The following ACTR3C variants were observed in gnomAD, a reference collection of about 807,000 sequenced individuals.
The protein encoded by ACTR3C is actin related protein 3C.
Under a neutral mutation model 26.3 loss-of-function variants are expected in ACTR3C, and 18 were observed. That is an observed-to-expected ratio of 0.68 (90% confidence interval 0.47 to 1.01). ACTR3C has a LOEUF of 1.01. Ranked by LOEUF, ACTR3C falls within the 50% of genes least tolerant of loss-of-function variation. The probability of loss-of-function intolerance (pLI) is 0.00; values close to 1 mark genes in which losing one functional copy is unlikely to be tolerated. For missense variants in ACTR3C, 184 were observed against 250.7 expected (o/e 0.73, Z 1.80); for synonymous variants, 55 against 94.5 (o/e 0.58, Z 2.42).
At chr7:149,996,399 G>A in the ACTR3C span, among the ~76,000 whole-genome samples, 2 of 150,324 alleles carry the variant, frequency 1.3e-5, no homozygotes, top group Non-Finnish European at 3.0e-5. Flanking sequence ...ATGAGGCAGA[G>A]AGAAACAAAA....
chr7:149,945,958 C>A, the ACTR3C span, among the ~76,000 whole-genome samples: 1 of 152,208 alleles, frequency 6.6e-6, no homozygotes, highest in African/African-American at 2.4e-5. Context: ...GGGAGACAGG[C>A]GACCTTGCCA....
the ACTR3C span, among the ~76,000 whole-genome samples, chr7:150,227,890 A>G: frequency 1.3e-5 from 2 of 151,688 alleles, no homozygotes; most frequent in East Asian, 3.9e-4. Flanking sequence ...TGTCTTGATT[A>G]TTATAGCTTT....
rs556008161 is a variant in ACTR3C at position 150,265,835 on chromosome 7, ACG to A, written c.565-16783_565-16782del. On this transcript the variant is annotated intron_variant, in intron 6 of 7. Transcript: ENST00000683684. ...ATGCATTTATTCTGTCCCCTCCCAC[ACG>A]CACACACATCTAGGAGCGGGGAGCA... 1.7e-3 allele frequency among the ~76,000 whole-genome samples: 257 copies of A among 152,202 alleles called. 4 individuals are homozygous for A. Among genetic ancestry groups the A allele is most frequent in the African/African-American group, 5.8e-3 (241 of 41,522 alleles).
chr7:150,194,448 T>C, the ACTR3C span, among the ~76,000 whole-genome samples: 1 of 148,804 alleles, frequency 6.7e-6, no homozygotes, highest in Non-Finnish European at 1.5e-5. Context: ...TTTTAACCTA[T>C]CTAAATCTTT....
At chr7:149,904,010 C>T in the ACTR3C span, among the ~76,000 whole-genome samples, 177 of 110,590 alleles carry the variant, frequency 1.6e-3, 17 homozygotes, top group African/African-American at 4.4e-3. Flanking sequence ...AACCTCCACT[C>T]CCAGGCTCAA....
chr7:150,287,280 TG>T (rs1423559794), intron 4 of ACTR3C, among the ~76,000 whole-genome samples: 2 of 151,806 alleles, frequency 1.3e-5, no homozygotes, highest in African/African-American at 2.4e-5. Context: ...AATAAGTAAA[TG>T]ACATGGTAGG....
the ACTR3C span, among the ~76,000 whole-genome samples, chr7:150,221,274 T>TTC: frequency 0.099 from 14,900 of 150,998 alleles, 931 homozygotes; most frequent in East Asian, 0.24. Flanking sequence ...AAGAGTTTTT[T>TTC]TTTCTTTCTT....
chr7:150,173,460 C>T, the ACTR3C span, among the ~76,000 whole-genome samples: 1 of 147,568 alleles, frequency 6.8e-6, no homozygotes, highest in South Asian at 2.1e-4. Flanking sequence ...TACAGGGACC[C>T]TTTTCTTCTA....
chr7:150,154,231 A>T, the ACTR3C span, among the ~76,000 whole-genome samples: 1 of 152,088 alleles, frequency 6.6e-6, no homozygotes, highest in Non-Finnish European at 1.5e-5. Context: ...AATAATAATA[A>T]AAAAAATTTC....
At chr7:150,199,700 AAT>A in the ACTR3C span, among the ~76,000 whole-genome samples, 8 of 141,186 alleles carry the variant, frequency 5.7e-5, 2 homozygotes, top group East Asian at 4.1e-4. Flanking sequence ...AAAAAAAAAA[AAT>A]AAATGTCATA....
At chr7:149,949,179 T>C in the ACTR3C span, among the ~76,000 whole-genome samples, 188 of 145,636 alleles carry the variant, frequency 1.3e-3, 5 homozygotes, top group Non-Finnish European at 2.1e-3. Flanking sequence ...TAGGTATGTG[T>C]TTGTGTGTGT....
At chr7:150,062,560 T>C in the ACTR3C span, among the ~76,000 whole-genome samples, 1 of 151,192 alleles carries the variant, frequency 6.6e-6, no homozygotes, top group Non-Finnish European at 1.5e-5. Context: ...AGTAACAAAA[T>C]CATGGTAGGC....
the ACTR3C span, among the ~76,000 whole-genome samples, chr7:150,169,444 T>C: frequency 2.0e-5 from 3 of 148,230 alleles, no homozygotes; most frequent in African/African-American, 7.7e-5. Context: ...TCCCTCTCTC[T>C]ACCTTATGAG....
chr7:150,287,306 GTCCC>G (rs1835863040), intron 4 of ACTR3C, among the ~76,000 whole-genome samples: 1 of 152,110 alleles, frequency 6.6e-6, no homozygotes, highest in Non-Finnish European at 1.5e-5. Context: ...AAAGTGATAG[GTCCC>G]GGGGAAGAAA....
the ACTR3C span, among the ~76,000 whole-genome samples, chr7:150,171,962 C>T: frequency 0.14 from 21,522 of 150,326 alleles, 3,269 homozygotes; most frequent in African/African-American, 0.32. Context: ...AAGTCATGCG[C>T]CACCACACCT....
chr7:149,967,028 ATTTTTTTTTTTTT>A, the ACTR3C span, among the ~76,000 whole-genome samples: 2 of 64,716 alleles, frequency 3.1e-5, no homozygotes, highest in East Asian at 5.0e-4. Flanking sequence ...TGCACAGCTA[ATTTTTTTTTTTTT>A]TTTTTTTTTT....
At chr7:149,984,513 C>T in the ACTR3C span, among the ~76,000 whole-genome samples, 7 of 150,928 alleles carry the variant, frequency 4.6e-5, no homozygotes, top group African/African-American at 7.4e-5. Flanking sequence ...CACGTTTTAT[C>T]TATTGTTGAT....
At chr7:149,972,947 T>A in the ACTR3C span, among the ~76,000 whole-genome samples, 1 of 151,454 alleles carries the variant, frequency 6.6e-6, no homozygotes, top group African/African-American at 2.4e-5. Flanking sequence ...CTGTCCCAGG[T>A]AATTATAGTG....
At chr7:150,067,494 T>C in the ACTR3C span, among the ~76,000 whole-genome samples, 67,302 of 151,734 alleles carry the variant, frequency 0.44, 15,143 homozygotes, top group East Asian at 0.67. Context: ...CACAGTAAAA[T>C]CTCAGGCCCT....
Sources: allele counts gnomAD v4.1 joint callset (sites outside exome capture counted in the v4.1 genomes callset), GRCh38; gene constraint gnomAD v4.1.1; transcripts MANE v1.5; gene names NCBI Gene and HGNC (gene_info 2026-07-23, HGNC 2026-07-21).